SNX19: variants seen among roughly 807,000 people sequenced by gnomAD.
SNX19 encodes the protein sorting nexin-19.
In SNX19, 60 loss-of-function variants were observed where a neutral mutation model predicts 85.2. That is an observed-to-expected ratio of 0.70 (90% confidence interval 0.57 to 0.87). The LOEUF (loss-of-function observed/expected upper bound fraction) is 0.87. Ranked by LOEUF, SNX19 falls within the 40% of genes least tolerant of loss-of-function variation. The pLI, the probability that SNX19 is intolerant of heterozygous loss-of-function variation, is 0.00. For missense variants in SNX19, 1,201 were observed against 1,217.8 expected, an observed-to-expected ratio of 0.99 and a Z score of 0.21; for synonymous variants, 520 against 470.0, an observed-to-expected ratio of 1.11 and a Z score of -1.38.
rs1943197127 is a variant in SNX19, at chr11:130,875,498, A to G, written c.*2924T>C. On this transcript the variant is annotated 3_prime_UTR_variant, in exon 11 of 11. Coordinates refer to ENST00000265909, the MANE Select transcript of SNX19 (RefSeq NM_014758.3). The stretch of plus-strand genomic sequence containing the variant: ...TAAATAAATAATGTACTGTACACTT[A>G]AGAGGGTAGATCTCACATTATGTGT... The G allele has an allele frequency of 6.6e-6, 1 of 152,250 alleles. No homozygotes were observed. Among genetic ancestry groups the G allele is most frequent in the South Asian group, 2.1e-4 (1 of 4,834 alleles). 9.4% of individuals were successfully genotyped at this position (152,250 alleles called of 1,614,324 possible).
rs1249976526 is a variant in SNX19 at position 130,910,347 on chromosome 11, A to G, written c.1837T>C (p.Phe613Leu). The G allele has an allele frequency of 1.9e-6, 3 of 1,610,172 alleles. No individual in the cohort carries two copies. Among genetic ancestry groups the G allele is most frequent in the Non-Finnish European group, 2.5e-6 (3 of 1,179,100 alleles). The part of the protein sequence containing the change: ...IKNVKGPKKL[F>L]PDLPLGNMDS... ...ATGTTTCCCAATGGAAGATCTGGAA[A>G]GAGCTTTTTAGGACCCTTCACATCT... Residue 613 changes from phenylalanine to leucine, a missense_variant, in exon 3 of 11, where the codon TTT becomes CTT. Physicochemically the swap from Phe to Leu is conservative, Grantham distance 22 (BLOSUM62 0). Transcript: ENST00000265909.
chr11:130,871,508 T>G lies in SNX19; in HGVS notation c.*6914A>C, dbSNP rs559560657. Reference sequence around the variant, plus strand: ...TGGTGTCAAGGTATGAAAAGCAGTATTTCATATCAACGTTCATGGTTAATC... The same window carrying G: ...TGGTGTCAAGGTATGAAAAGCAGTAGTTCATATCAACGTTCATGGTTAATC... On this transcript the variant is annotated 3_prime_UTR_variant, in exon 11 of 11. Coordinates refer to ENST00000265909, the MANE Select transcript of SNX19 (RefSeq NM_014758.3). 9.1e-4 allele frequency among the ~76,000 whole-genome samples: 139 copies of G among 152,308 alleles called. No homozygotes were observed. The highest frequency in any genetic ancestry group is 3.0e-3 in the African/African-American group (123 of 41,568).
Position 130,911,720 on chromosome 11 carries a change from A to G in SNX19, c.1726T>C (p.Tyr576His). The change falls in exon 2 of 11, where the codon TAC becomes CAC. Residue 576 changes from tyrosine (Y) to histidine (H), a missense_variant. By Grantham distance (83) the Tyr-to-His change is moderately conservative. Transcript: ENST00000265909. ...ENSSGLQQLAYHTVNRRYREF... is the reference protein window; with the variant it reads ...ENSSGLQQLAHHTVNRRYREF... ...CGATAGCGACGATTCACAGTGTGGT[A>G]GGCCAGCTGCTGCAGGCCGCTGCTG... 6.2e-7 allele frequency: 1 copy of G among 1,614,222 alleles called. No individual in the cohort carries two copies. The highest frequency in any genetic ancestry group is 8.5e-7 in the Non-Finnish European group (1 of 1,180,048).
chr11:130,893,489 C>A (rs1213521143), intron 8 of SNX19, among the ~76,000 whole-genome samples: 2 of 152,014 alleles, frequency 1.3e-5, no homozygotes, highest in African/African-American at 4.8e-5. Context: ...AAGTGACTAT[C>A]ATTAACACCA....
chr11:130,889,920 T>C (rs576840906), intron 8 of SNX19, among the ~76,000 whole-genome samples: 3 of 152,216 alleles, frequency 2.0e-5, no homozygotes, highest in African/African-American at 7.2e-5. Flanking sequence ...AACTTACAGA[T>C]AGAAAAAAAG....
In SNX19 at chr11:130,914,512, G is replaced by T. The variant is rs771503712; in HGVS notation, c.1428C>A (p.Cys476Ter). Residue 476 changes from cysteine to a stop codon, truncating the protein, a stop_gained, in exon 1 of 11, where the codon TGC becomes TGA. Transcript: ENST00000265909. LOFTEE classifies it high-confidence loss of function. Reference protein sequence around the residue: ...TALLEGPEKTCPSRPSCLEKD... With the variant: ...TALLEGPEKT The stretch of plus-strand genomic sequence containing the variant: ...TCTCTAAGCATGACGGCCGTGAGGG[G>T]CAGGTCTTTTCTGGCCCCTCCAGCA... 9 of 1,613,970 alleles carry T rather than the reference G, an allele frequency of 5.6e-6. No individual in the cohort carries two copies. The highest frequency in any genetic ancestry group is 6.8e-6 in the Non-Finnish European group (8 of 1,179,868).
rs1942854074 is a variant in SNX19, at chr11:130,868,183, C to T, written c.*10239G>A. ...AAGGCTGATTTTTCACTTCTCATGC[C>T]TTCCCTTTTCACACACTGGGGGCAG... is the stretch of plus-strand genomic sequence containing the variant. On this transcript the variant is annotated 3_prime_UTR_variant, in exon 11 of 11. Transcript: ENST00000265909. 1.3e-5 allele frequency: 2 copies of T among 152,080 alleles called. No individual in the cohort carries two copies. Among genetic ancestry groups the T allele is most frequent in the African/African-American group, 4.8e-5 (2 of 41,402 alleles). 9.4% of individuals were successfully genotyped at this position (152,080 alleles called of 1,614,324 possible).
At chr11:130,913,773 A>G (rs377067591) in intron 1 of SNX19, among the ~76,000 whole-genome samples, 2 of 152,214 alleles carry the variant, frequency 1.3e-5, no homozygotes, top group South Asian at 2.1e-4. Flanking sequence ...GGAGGTGTGT[A>G]AGCAGACTTG....
In SNX19 at chr11:130,877,774, G is replaced by A. The variant is rs1406275590; in HGVS notation, c.*648C>T. On this transcript the variant is annotated 3_prime_UTR_variant, in exon 11 of 11. Coordinates refer to ENST00000265909, the MANE Select transcript of SNX19 (RefSeq NM_014758.3). The stretch of plus-strand genomic sequence containing the variant: ...TTTGAAGTCTTCTGGAAAGGAAAGT[G>A]TAGCCTCCCAGGCAAGCAGCCTCAT... 6.6e-6 allele frequency: 1 copy of A among 152,618 alleles called. No individual in the cohort carries two copies. Among genetic ancestry groups the A allele is most frequent in the African/African-American group, 2.4e-5 (1 of 41,466 alleles). The allele number at this position is 152,618 out of a possible 1,614,324, so 9.5% of individuals were successfully genotyped here.
chr11:130,904,949 C>A (rs1265712600), intron 7 of SNX19, among the ~76,000 whole-genome samples: 2 of 152,114 alleles, frequency 1.3e-5, no homozygotes, highest in Non-Finnish European at 2.9e-5. Flanking sequence ...GGGCTGTCAA[C>A]CCCATTTTTC....
chr11:130,894,362 A>C (rs1325836435), intron 8 of SNX19, among the ~76,000 whole-genome samples: 2 of 152,220 alleles, frequency 1.3e-5, no homozygotes, highest in Admixed American at 6.5e-5. Flanking sequence ...TCAGAGAAGC[A>C]AGCATATGCT....
At position 130,915,257 on chromosome 11, in the gene SNX19, T is replaced by C. The variant is rs1946466965; in HGVS notation, c.683A>G (p.His228Arg). 6.2e-7 allele frequency: 1 copy of C among 1,614,078 alleles called. No homozygotes were observed. The highest frequency in any genetic ancestry group is 1.7e-5 in the Admixed American group (1 of 60,008). ...LLLQGLVPKPHLETRTGRHVV... is the reference protein window; with the variant it reads ...LLLQGLVPKPRLETRTGRHVV... ...ATGGCGTCCGGTACGAGTCTCCAAGTGGGGCTTGGGCACCAGCCCTTGAAG... is the reference window on the plus strand; with the variant it reads ...ATGGCGTCCGGTACGAGTCTCCAAGCGGGGCTTGGGCACCAGCCCTTGAAG... Residue 228 changes from histidine to arginine, a missense_variant, in exon 1 of 11, where the codon CAC becomes CGC. By Grantham distance (29) the His-to-Arg change is conservative (BLOSUM62 0). Coordinates refer to ENST00000265909, the MANE Select transcript of SNX19 (RefSeq NM_014758.3).
chr11:130,884,754 C>T (rs1167925791), intron 8 of SNX19, among the ~76,000 whole-genome samples: 1 of 151,522 alleles, frequency 6.6e-6, no homozygotes, highest in Non-Finnish European at 1.5e-5. Flanking sequence ...CCTGTAGTCT[C>T]CAGCTACTCG....
chr11:130,889,057 A>T (rs749580621), intron 8 of SNX19, among the ~76,000 whole-genome samples: 1 of 152,132 alleles, frequency 6.6e-6, no homozygotes, highest in Non-Finnish European at 1.5e-5. Flanking sequence ...CCAAACAATT[A>T]CCTACATATA....
At chr11:130,889,641 T>G (rs1393600802) in intron 8 of SNX19, among the ~76,000 whole-genome samples, 1 of 152,186 alleles carries the variant, frequency 6.6e-6, no homozygotes, top group African/African-American at 2.4e-5. Context: ...CTCTCATCTA[T>G]CTCTGCTTTC....
chr11:130,907,979 G>C lies in SNX19; in HGVS notation c.2139C>G (p.Pro713=), dbSNP rs916271740. 6.8e-6 allele frequency: 11 copies of C among 1,613,928 alleles called. No individual in the cohort carries two copies. Among genetic ancestry groups the C allele is most frequent in the African/African-American group, 1.3e-5 (1 of 74,882 alleles). ...ELSEAETESK[P]QTEGKKASKS... ...TGCTAGCCTTCTTGCCTTCTGTCTGGGGCTTGCTTTCGGTCTCGGCCTCAC... is the reference window on the plus strand; with the variant it reads ...TGCTAGCCTTCTTGCCTTCTGTCTGCGGCTTGCTTTCGGTCTCGGCCTCAC... The change falls in exon 5 of 11, where the codon CCC becomes CCG. Residue 713 remains proline (P), a synonymous_variant. Coordinates refer to ENST00000265909, the MANE Select transcript of SNX19 (RefSeq NM_014758.3).
chr11:130,915,861 G>A lies in SNX19; in HGVS notation c.79C>T (p.Arg27Trp), dbSNP rs753562557. 11 of 1,614,182 alleles carry A rather than the reference G, an allele frequency of 6.8e-6. No individual in the cohort carries two copies. The highest frequency in any genetic ancestry group is 2.7e-5 in the African/African-American group (2 of 75,054). ...SCHLNNLLSS[R>W]KLMAVGVLLG... ...AAGACCCCCACAGCCATCAGCTTCCGGCTACTCAACAGGTTATTGAGGTGA... is the reference window on the plus strand; with the variant it reads ...AAGACCCCCACAGCCATCAGCTTCCAGCTACTCAACAGGTTATTGAGGTGA... Residue 27 changes from arginine to tryptophan, a missense_variant, in exon 1 of 11, where the codon CGG becomes TGG. Around this residue, in one of 3 missense-constraint regions of SNX19, gnomAD observed 791 missense variants for 750.9 expected, o/e 1.05. Coordinates refer to ENST00000265909, the MANE Select transcript of SNX19 (RefSeq NM_014758.3).
chr11:130,906,546 G>C, intron 6 of SNX19, 79 bp downstream of exon 6: 1 of 997,740 alleles, frequency 1.0e-6, no homozygotes, highest in Non-Finnish European at 1.6e-6. Flanking sequence ...TGACTTCAGA[G>C]AATATCTCAA....
At chr11:130,913,888 C>A (rs1199819279) in intron 1 of SNX19, among the ~76,000 whole-genome samples, 12 of 126,604 alleles carry the variant, frequency 9.5e-5, no homozygotes. Context: ...CTGGAGAGTT[C>A]TATTTGAAAA....
Sources: allele counts gnomAD v4.1 joint callset (sites outside exome capture counted in the v4.1 genomes callset), GRCh38; gene constraint gnomAD v4.1.1; regional missense constraint gnomAD v4.1.1; transcripts MANE v1.5; gene names NCBI Gene and HGNC (gene_info 2026-07-23, HGNC 2026-07-21).